ATRNL1: variants seen among roughly 807,000 people sequenced by gnomAD.
The protein encoded by ATRNL1 is attractin-like protein 1.
Under a neutral mutation model 182.7 loss-of-function variants are expected in ATRNL1, and 95 were observed. The observed-to-expected ratio is 0.52, with a 90% CI of 0.44 to 0.62. ATRNL1 has a LOEUF of 0.62. ATRNL1 is among the 20% of genes least tolerant of loss of function. ATRNL1 has a pLI of 0.00. For synonymous variants in ATRNL1, 576 were observed against 568.3 expected (o/e 1.01, Z -0.19); for missense variants, 1,471 against 1,679.5 (o/e 0.88, Z 2.17).
chr10:115,445,030 C>A (rs1278144123), intron 21 of ATRNL1, among the ~76,000 whole-genome samples: 6 of 151,868 alleles, frequency 4.0e-5, no homozygotes, highest in African/African-American at 1.2e-4. Context: ...TGCACCCGAC[C>A]CTGAAATTAT....
chr10:115,824,127 C>A (rs1031086441), intron 27 of ATRNL1, among the ~76,000 whole-genome samples: 16 of 152,002 alleles, frequency 1.1e-4, no homozygotes, highest in African/African-American at 3.1e-4. Context: ...AATGCCACAC[C>A]TCTACAACCA....
At position 115,378,109 on chromosome 10, in the gene ATRNL1, C is replaced by T. The variant is rs540772443; in HGVS notation, c.3176-16550C>T. Among the ~76,000 whole-genome samples the T allele has an allele frequency of 3.3e-5, 5 of 152,236 alleles. No homozygotes were observed. The South Asian group carries it at 1.0e-3, about 32-fold the overall frequency. Reference sequence around the variant, plus strand: ...AGTCACAGAGCTGCTTCAGGGTCTACACCTGAGGCCAAGGTCTTCATATCT... The same window carrying T: ...AGTCACAGAGCTGCTTCAGGGTCTATACCTGAGGCCAAGGTCTTCATATCT... On this transcript the variant is annotated intron_variant, in intron 19 of 28. Transcript: ENST00000355044.
intron 24 of ATRNL1, among the ~76,000 whole-genome samples, chr10:115,476,744 A>G (rs1455320049): frequency 1.3e-5 from 2 of 151,346 alleles, no homozygotes; most frequent in African/African-American, 2.4e-5. Flanking sequence ...TTATCTTGCA[A>G]ATGACCTTTC....
intron 13 of ATRNL1, among the ~76,000 whole-genome samples, chr10:115,269,229 G>T (rs1478282771): frequency 1.3e-5 from 2 of 152,138 alleles, no homozygotes; most frequent in Non-Finnish European, 2.9e-5. Context: ...CAAAAATTAA[G>T]ATTTTAAGTG....
intron 27 of ATRNL1, among the ~76,000 whole-genome samples, chr10:115,835,276 T>C (rs1007065543): frequency 3.9e-5 from 6 of 152,168 alleles, no homozygotes; most frequent in Admixed American, 3.3e-4. Context: ...GACCTCTTCC[T>C]CTGAAAGCTT....
intron 23 of ATRNL1, among the ~76,000 whole-genome samples, 153 bp from the exon 24 acceptor site, chr10:115,469,019 T>C (rs1347447322): frequency 6.6e-6 from 1 of 150,702 alleles, no homozygotes; most frequent in Non-Finnish European, 1.5e-5. Flanking sequence ...TTCCATTATA[T>C]TTATGGCAAA....
chr10:115,802,017 A>ACACACACACACAC (rs1949805068), intron 27 of ATRNL1, among the ~76,000 whole-genome samples: 1 of 23,484 alleles, frequency 4.3e-5, no homozygotes, highest in South Asian at 1.3e-3. Flanking sequence ...TTAAAAAAAA[A>ACACACACACACAC]AGAAACACAC....
Position 115,215,869 on chromosome 10 carries a change from C to A in ATRNL1, c.1521C>A (p.Asn507Lys), listed in dbSNP as rs1554896126. The change falls in exon 9 of 29, where the codon AAC becomes AAA. Residue 507 changes from asparagine (N) to lysine (K), a missense_variant. This residue lies in a region of ATRNL1 where 1,031 missense variants were observed against 1,156.0 expected (regional missense o/e 0.89). Coordinates refer to ENST00000355044, the MANE Select transcript of ATRNL1 (RefSeq NM_207303.4). The stretch of plus-strand genomic sequence containing the variant: ...ATGATCTTTATAAATATGAAGTTAA[C>A]ACTAAGACTTGGTGAGTACACAAAA... ...LVDDLYKYEV[N>K]TKTWTILKES... 1 of 1,560,518 alleles carries A rather than the reference C, an allele frequency of 6.4e-7. No homozygotes were observed. Among genetic ancestry groups the A allele is most frequent in the Non-Finnish European group, 8.6e-7 (1 of 1,158,542 alleles).
intron 26 of ATRNL1, among the ~76,000 whole-genome samples, chr10:115,601,313 C>T (rs1856582814): frequency 6.6e-6 from 1 of 152,092 alleles, no homozygotes; most frequent in Non-Finnish European, 1.5e-5. Context: ...ATATGATCTA[C>T]ATTCATGCAT....
At chr10:115,311,046 T>C (rs1262362374) in intron 17 of ATRNL1, among the ~76,000 whole-genome samples, 1 of 151,080 alleles carries the variant, frequency 6.6e-6, no homozygotes, top group African/African-American at 2.5e-5. Context: ...AAACTTTCCA[T>C]CTTGATTTAA....
intron 26 of ATRNL1, among the ~76,000 whole-genome samples, chr10:115,621,276 T>TATATATATAGAGAGAGAG (rs1268020830): frequency 6.9e-4 from 33 of 47,566 alleles, no homozygotes; most frequent in South Asian, 1.0e-3. Flanking sequence ...TATATATATA[T>TATATATATAGAGAGAGAG]AGAGAGAGAG....
intron 10 of ATRNL1, among the ~76,000 whole-genome samples, chr10:115,249,531 G>C (rs1191314456): frequency 6.6e-6 from 1 of 151,826 alleles, no homozygotes; most frequent in Non-Finnish European, 1.5e-5. Flanking sequence ...TAGTTTTGAT[G>C]GTATAGTACC....
intron 20 of ATRNL1, among the ~76,000 whole-genome samples, chr10:115,420,828 T>A (rs782437113): frequency 1.3e-5 from 2 of 151,960 alleles, no homozygotes; most frequent in Non-Finnish European, 2.9e-5. Flanking sequence ...AAAAGAGGAA[T>A]GATTCAAATG....
chr10:115,842,686 T>TAGTC (rs10674601), intron 27 of ATRNL1, among the ~76,000 whole-genome samples: 116,803 of 151,344 alleles, frequency 0.77, 45,154 homozygotes, highest in Admixed American at 0.83. Context: ...TTACTATTAA[T>TAGTC]AGGCTGACAG....
chr10:115,832,469 A>T (rs1196130349), intron 27 of ATRNL1, among the ~76,000 whole-genome samples: 4 of 152,038 alleles, frequency 2.6e-5, no homozygotes, highest in African/African-American at 9.7e-5. Flanking sequence ...TTGTTTTTGC[A>T]CTCCCTTCAT....
intron 20 of ATRNL1, among the ~76,000 whole-genome samples, chr10:115,404,580 C>T (rs1465310859): frequency 1.3e-5 from 2 of 152,188 alleles, no homozygotes; most frequent in Admixed American, 1.3e-4. Context: ...TTGTATAGAA[C>T]TGCTGAGATT....
intron 18 of ATRNL1, among the ~76,000 whole-genome samples, chr10:115,332,246 A>C (rs1315953084): frequency 1.3e-5 from 2 of 152,180 alleles, no homozygotes; most frequent in Non-Finnish European, 2.9e-5. Context: ...TATTGTGGTC[A>C]CAGAAAACTG....
At chr10:115,687,863 A>T (rs2804151) in intron 26 of ATRNL1, among the ~76,000 whole-genome samples, 2 of 151,450 alleles carry the variant, frequency 1.3e-5, no homozygotes, top group African/African-American at 4.9e-5. Context: ...TATATTATTG[A>T]GAAGTATAGT....
intron 27 of ATRNL1, among the ~76,000 whole-genome samples, chr10:115,819,517 G>C (rs554344933): frequency 6.6e-6 from 1 of 152,200 alleles, no homozygotes; most frequent in South Asian, 2.1e-4. Context: ...AGTTGTTCAA[G>C]TGATCCCCTA....
Sources: allele counts gnomAD v4.1 joint callset (sites outside exome capture counted in the v4.1 genomes callset), GRCh38; gene constraint gnomAD v4.1.1; regional missense constraint gnomAD v4.1.1; transcripts MANE v1.5; gene names NCBI Gene and HGNC (gene_info 2026-07-23, HGNC 2026-07-21).